ARSG: variants seen among roughly 807,000 people sequenced by gnomAD.
The protein encoded by ARSG is ASG.
A neutral mutation model predicts 50.5 loss-of-function variants in ARSG; 37 were observed. That is an observed-to-expected ratio of 0.73 (90% CI 0.56 to 0.96). The LOEUF (loss-of-function observed/expected upper bound fraction) is 0.96, where lower values mean the gene tolerates loss of function less well. Ranked by LOEUF, ARSG falls within the 50% of genes least tolerant of loss-of-function variation. The pLI is 0.00. For synonymous variants in ARSG, 225 were observed against 254.6 expected (o/e 0.88, Z 1.11); for missense variants, 629 against 675.3 (o/e 0.93, Z 0.76).
At chr17:68,266,011 G>T (rs1262590030) in intron 1 of ARSG, among the ~76,000 whole-genome samples, 1 of 152,074 alleles carries the variant, frequency 6.6e-6, no homozygotes, top group African/African-American at 2.4e-5. Context: ...CTGGCATGTA[G>T]AGTCTGTGCT....
chr17:68,413,722 G>A (rs375925575), intron 11 of ARSG: 429 of 160,084 alleles, frequency 2.7e-3, no homozygotes, highest in African/African-American at 9.9e-3. Flanking sequence ...CCTCGCTGCC[G>A]CCTTGCAGTT....
intron 2 of ARSG, among the ~76,000 whole-genome samples, chr17:68,310,291 G>A (rs1033315278): frequency 7.9e-5 from 12 of 152,168 alleles, no homozygotes; most frequent in South Asian, 2.1e-4. Flanking sequence ...GAACAGAAGC[G>A]AGGGTGTGGA....
chr17:68,414,831 A>T (rs1022334643), intron 11 of ARSG, among the ~76,000 whole-genome samples: 1 of 152,178 alleles, frequency 6.6e-6, no homozygotes, highest in Non-Finnish European at 1.5e-5. Flanking sequence ...AGGTGTTCAT[A>T]GTAGCCTTGA....
chr17:68,348,598 C>T (rs932601505), intron 4 of ARSG, among the ~76,000 whole-genome samples: 1 of 152,166 alleles, frequency 6.6e-6, no homozygotes, highest in Non-Finnish European at 1.5e-5. Context: ...CACTCTGTCT[C>T]CCAGGCTAGA....
At chr17:68,267,923 T>A (rs1366253793) in intron 1 of ARSG, 1 of 152,226 alleles carries the variant, frequency 6.6e-6, no homozygotes, top group Non-Finnish European at 1.5e-5. Context: ...GCTTCAATAA[T>A]TAGATGGTTT....
chr17:68,391,306 T>A (rs552373203), intron 9 of ARSG, among the ~76,000 whole-genome samples: 15 of 152,270 alleles, frequency 9.9e-5, no homozygotes, highest in Non-Finnish European at 1.5e-4. Flanking sequence ...GAAGGACTAT[T>A]TGACAGCCCA....
intron 1 of ARSG, chr17:68,278,254 A>C: frequency 6.2e-7 from 1 of 1,614,192 alleles, no homozygotes; most frequent in Non-Finnish European, 8.5e-7. Flanking sequence ...GCCCAGCCCC[A>C]TCCTCCATCA....
chr17:68,442,858 G>C, the ARSG span, among the ~76,000 whole-genome samples: 1 of 152,176 alleles, frequency 6.6e-6, no homozygotes, highest in Non-Finnish European at 1.5e-5. Context: ...AAGGGAACTC[G>C]TGACAACTAG....
chr17:68,350,769 A>G (rs982459256), intron 4 of ARSG, among the ~76,000 whole-genome samples: 1 of 151,656 alleles, frequency 6.6e-6, no homozygotes, highest in South Asian at 2.1e-4. Context: ...TGGGTGACAG[A>G]GCGAGACTCC....
At chr17:68,366,238 A>C (rs2079540913) in intron 6 of ARSG, among the ~76,000 whole-genome samples, 2 of 110,092 alleles carry the variant, frequency 1.8e-5, no homozygotes, top group Admixed American at 2.0e-4. Context: ...TACGCCTGGC[A>C]AAAAAATAAA....
chr17:68,385,557 C>CGAGGG (rs1303555866), intron 9 of ARSG, among the ~76,000 whole-genome samples: 1 of 24,178 alleles, frequency 4.1e-5, no homozygotes, highest in African/African-American at 1.6e-4. Context: ...AGAGGGGAGG[C>CGAGGG]GAGGGGAGGG....
At chr17:68,382,242 G>A (rs1005884934) in intron 8 of ARSG, among the ~76,000 whole-genome samples, 16 of 152,168 alleles carry the variant, frequency 1.1e-4, no homozygotes, top group African/African-American at 3.9e-4. Context: ...ACTGCACCCG[G>A]CCGGCTCTAT....
the ARSG span, chr17:68,444,633 A>G: frequency 6.5e-7 from 1 of 1,526,954 alleles, no homozygotes; most frequent in Non-Finnish European, 9.0e-7. Context: ...CGTTCCTTAC[A>G]AAGACCCTGA....
chr17:68,301,089 G>C (rs999051027), intron 1 of ARSG, among the ~76,000 whole-genome samples: 1 of 151,106 alleles, frequency 6.6e-6, no homozygotes, highest in Non-Finnish European at 1.5e-5. Context: ...CTGCACTCCA[G>C]CCTGGGTGAC....
At chr17:68,316,430 T>C (rs928186520) in intron 2 of ARSG, among the ~76,000 whole-genome samples, 1 of 152,366 alleles carries the variant, frequency 6.6e-6, no homozygotes, top group Admixed American at 6.5e-5. Flanking sequence ...TCTGTCTTAT[T>C]TATGTCTTCA....
chr17:68,356,439 C>G lies in ARSG; in HGVS notation c.567-228C>G, dbSNP rs2041981. Among the ~76,000 whole-genome samples, 4,030 of 152,244 alleles carry G rather than the reference C, an allele frequency of 0.026. 192 individuals are homozygous for G. The highest frequency in any genetic ancestry group is 0.092 in the African/African-American group (3,834 of 41,522). On this transcript the variant is annotated intron_variant, in intron 5 of 11. Coordinates refer to ENST00000621439, the MANE Select transcript of ARSG (RefSeq NM_001267727.2). The stretch of plus-strand genomic sequence containing the variant: ...CCTAGCTCACGAGAGTCTTTGCAAG[C>G]TTTACAGAGTGGTCAGCTCGTCCAT...
chr17:68,374,895 T>C (rs2146840232), intron 8 of ARSG, among the ~76,000 whole-genome samples: 1 of 145,034 alleles, frequency 6.9e-6, no homozygotes. Flanking sequence ...AAAATAAAAA[T>C]AAATTTACTA....
At chr17:68,284,758 C>T (rs2075803537) in intron 1 of ARSG, among the ~76,000 whole-genome samples, 1 of 152,194 alleles carries the variant, frequency 6.6e-6, no homozygotes, top group Admixed American at 6.5e-5. Flanking sequence ...ACTATATATT[C>T]ACTTTATACA....
chr17:68,260,197 C>T (rs1835687900), intron 1 of ARSG, among the ~76,000 whole-genome samples: 1 of 152,156 alleles, frequency 6.6e-6, no homozygotes, highest in South Asian at 2.1e-4. Context: ...GGACACAAGC[C>T]TGCAGCAGCC....
Sources: gnomAD v4.1 joint callset for allele counts (sites outside exome capture counted in the v4.1 genomes callset) on GRCh38, gnomAD v4.1.1 for gene constraint, MANE v1.5 for transcripts, NCBI Gene and HGNC (gene_info 2026-07-23, HGNC 2026-07-21) for gene names.